The following OXR1 variants were observed in gnomAD, a reference collection of about 807,000 sequenced individuals.
OXR1 encodes the protein oxidation resistance 1.
A neutral mutation model predicts 104.6 loss-of-function variants in OXR1; 41 were observed. The observed-to-expected ratio is 0.39, with a 90% CI of 0.31 to 0.51. The LOEUF is 0.51. OXR1 is among the 20% of genes least tolerant of loss of function. The pLI is 0.77. For missense variants in OXR1, 955 were observed against 1,031.9 expected, an observed-to-expected ratio of 0.93 and a Z score of 1.02; for synonymous variants, 348 against 348.4, an observed-to-expected ratio of 1.00 and a Z score of 0.01.
At chr8:106,467,267 TG>T (rs1821223660) in intron 2 of OXR1, among the ~76,000 whole-genome samples, 1 of 151,838 alleles carries the variant, frequency 6.6e-6, no homozygotes, top group South Asian at 2.1e-4. Flanking sequence ...TCATGAAGAG[TG>T]GGCTTTTTTG....
intron 3 of OXR1, among the ~76,000 whole-genome samples, chr8:106,527,137 A>C (rs1813746612): frequency 6.6e-6 from 1 of 152,240 alleles, no homozygotes; most frequent in Admixed American, 6.5e-5. Context: ...AAAAGGAAAT[A>C]AAACTGTTGC....
chr8:106,492,695 T>C (rs1330915927), intron 2 of OXR1, among the ~76,000 whole-genome samples: 1 of 152,226 alleles, frequency 6.6e-6, no homozygotes, highest in Non-Finnish European at 1.5e-5. Flanking sequence ...TTTAAGTTAC[T>C]GTCTACAGGT....
At chr8:106,420,028 G>A (rs1214830070) in intron 2 of OXR1, among the ~76,000 whole-genome samples, 1 of 151,916 alleles carries the variant, frequency 6.6e-6, no homozygotes, top group African/African-American at 2.4e-5. Context: ...GTAAAGAGGA[G>A]GAAAATAACT....
At chr8:106,330,603 G>A (rs1421019790) in intron 1 of OXR1, among the ~76,000 whole-genome samples, 2 of 152,196 alleles carry the variant, frequency 1.3e-5, no homozygotes, top group African/African-American at 4.8e-5. Context: ...GTTTTGGGGA[G>A]TTTTGGATGG....
At chr8:106,306,602 G>T (rs1196157604) in intron 1 of OXR1, among the ~76,000 whole-genome samples, 1 of 151,938 alleles carries the variant, frequency 6.6e-6, no homozygotes, top group Non-Finnish European at 1.5e-5. Flanking sequence ...CAGAGAAAAT[G>T]GTGTACTGTT....
chr8:106,570,908 AC>A (rs1362577942), intron 3 of OXR1, among the ~76,000 whole-genome samples: 2 of 152,068 alleles, frequency 1.3e-5, no homozygotes, highest in Non-Finnish European at 2.9e-5. Context: ...TAAACAAATC[AC>A]CCTAGAGCAC....
At chr8:106,484,190 C>A (rs1451493894) in intron 2 of OXR1, among the ~76,000 whole-genome samples, 1 of 151,952 alleles carries the variant, frequency 6.6e-6, no homozygotes, top group Non-Finnish European at 1.5e-5. Context: ...GGTAGAGGAC[C>A]TTTATCCAAG....
chr8:106,625,005 T>C (rs1260856674), intron 3 of OXR1, among the ~76,000 whole-genome samples: 1 of 152,136 alleles, frequency 6.6e-6, no homozygotes, highest in African/African-American at 2.4e-5. Context: ...TTGCCCAAGA[T>C]GGTATCGAAT....
intron 1 of OXR1, among the ~76,000 whole-genome samples, chr8:106,285,350 T>A (rs1321757528): frequency 6.6e-6 from 1 of 152,174 alleles, no homozygotes; most frequent in Non-Finnish European, 1.5e-5. Flanking sequence ...GTCTGCAGAG[T>A]AATTGGGCAG....
intron 1 of OXR1, among the ~76,000 whole-genome samples, chr8:106,348,474 C>T (rs1815589131): frequency 6.6e-6 from 1 of 152,082 alleles, no homozygotes; most frequent in African/African-American, 2.4e-5. Context: ...TCATTTGAAA[C>T]ATTTATTTTA....
chr8:106,489,207 A>G (rs1178449518), intron 2 of OXR1, among the ~76,000 whole-genome samples: 1 of 151,302 alleles, frequency 6.6e-6, no homozygotes, highest in African/African-American at 2.4e-5. Flanking sequence ...GAGTTCACTC[A>G]TGATTTGGCT....
chr8:106,673,589 G>T (rs1827261476), intron 3 of OXR1, among the ~76,000 whole-genome samples: 1 of 152,186 alleles, frequency 6.6e-6, no homozygotes, highest in South Asian at 2.1e-4. Context: ...AAGTAACGAG[G>T]AGACAAATGT....
At chr8:106,347,976 A>G (rs747804884) in intron 1 of OXR1, among the ~76,000 whole-genome samples, 1 of 152,224 alleles carries the variant, frequency 6.6e-6, no homozygotes, top group Non-Finnish European at 1.5e-5. Context: ...AAATGTGAAG[A>G]GTACATATAT....
chr8:106,661,815 T>G (rs991051565), intron 3 of OXR1, among the ~76,000 whole-genome samples: 1 of 152,208 alleles, frequency 6.6e-6, no homozygotes, highest in Non-Finnish European at 1.5e-5. Flanking sequence ...TTTAAAAATT[T>G]CAGTCTCATA....
intron 4 of OXR1, among the ~76,000 whole-genome samples, chr8:106,679,814 T>A (rs1827974183): frequency 6.6e-6 from 1 of 151,948 alleles, no homozygotes; most frequent in Non-Finnish European, 1.5e-5. Flanking sequence ...TGCAGTCAGC[T>A]GGCTTTTCAC....
At chr8:106,324,683 G>A (rs1345609309) in intron 1 of OXR1, among the ~76,000 whole-genome samples, 3 of 151,802 alleles carry the variant, frequency 2.0e-5, no homozygotes, top group Non-Finnish European at 2.9e-5. Flanking sequence ...CCACTGCTGC[G>A]GATGCTGAGC....
chr8:106,404,728 CAG>C (rs1414839459), intron 2 of OXR1, among the ~76,000 whole-genome samples: 5 of 151,174 alleles, frequency 3.3e-5, no homozygotes. Context: ...TTTTTTGAGA[CAG>C]AGTCTCACTC....
chr8:106,602,320 G>A (rs982008232), intron 3 of OXR1, among the ~76,000 whole-genome samples: 2 of 152,242 alleles, frequency 1.3e-5, no homozygotes, highest in Non-Finnish European at 2.9e-5. Flanking sequence ...AGGGACAAGA[G>A]TAGAGGCCAT....
intron 2 of OXR1, among the ~76,000 whole-genome samples, chr8:106,425,083 GTTTTTTTTTTTT>G (rs748444311): frequency 1.9e-4 from 16 of 83,646 alleles, no homozygotes; most frequent in African/African-American, 7.9e-4. Flanking sequence ...GTTTGGTTTG[GTTTTTTTTTTTT>G]TTTTTTTTTT....
Sources: gnomAD v4.1 joint callset for allele counts (sites outside exome capture counted in the v4.1 genomes callset) on GRCh38, gnomAD v4.1.1 for gene constraint, MANE v1.5 for transcripts, NCBI Gene and HGNC (gene_info 2026-07-23, HGNC 2026-07-21) for gene names.